The following MYO3A variants were observed in gnomAD, a reference collection of about 807,000 sequenced individuals.
MYO3A encodes the protein myosin IIIA.
In MYO3A, 180 loss-of-function variants were observed where a neutral mutation model predicts 192.7. The ratio of observed to expected loss-of-function variants is 0.93; its 90% CI spans 0.83 to 1.06. The LOEUF (loss-of-function observed/expected upper bound fraction) is 1.06. Among genes scored for constraint, MYO3A ranks in the 50% least tolerant of loss-of-function variants. MYO3A has a pLI of 0.00. For synonymous variants in MYO3A, 628 were observed against 645.3 expected (o/e 0.97, Z 0.41); for missense variants, 1,896 against 1,905.0 (o/e 1.00, Z 0.09).
At position 26,030,200 on chromosome 10, in the gene MYO3A, C is replaced by T. The variant is rs370263027; in HGVS notation, c.953+3668C>T. ...CTTTACTCTCCAGGCCTCTTTTTCC[C>T]GTTTTTGGTGCCAGACTTTGAATCA... On this transcript the variant is annotated intron_variant, in intron 10 of 34. Transcript: ENST00000642920. Among the ~76,000 whole-genome samples the T allele has an allele frequency of 9.9e-5, 15 of 152,238 alleles. 1 individual carries two copies. In the South Asian group the frequency reaches 2.9e-3, roughly 29 times the overall value.
intron 4 of MYO3A, among the ~76,000 whole-genome samples, chr10:25,986,964 C>T (rs1839690049): frequency 6.6e-6 from 1 of 152,120 alleles, no homozygotes; most frequent in Admixed American, 6.6e-5. Flanking sequence ...TCAAACCACA[C>T]TATAGGCCAT....
chr10:25,947,840 A>C (rs1054865894), intron 2 of MYO3A, among the ~76,000 whole-genome samples: 5 of 152,202 alleles, frequency 3.3e-5, no homozygotes, highest in Non-Finnish European at 7.3e-5. Context: ...CATGGTTTTA[A>C]AGTCTTTGAA....
chr10:26,169,183 C>T (rs1841918135), intron 28 of MYO3A, among the ~76,000 whole-genome samples: 1 of 152,100 alleles, frequency 6.6e-6, no homozygotes, highest in Admixed American at 6.6e-5. Context: ...TATTATAGCT[C>T]ATTGGACAAT....
chr10:26,010,710 C>T (rs1841593866), intron 6 of MYO3A, among the ~76,000 whole-genome samples: 1 of 152,182 alleles, frequency 6.6e-6, no homozygotes, highest in Non-Finnish European at 1.5e-5. Context: ...GATCCACCTG[C>T]CTCAGCCTCC....
rs536699958 is a variant in MYO3A at position 26,015,709 on chromosome 10, C to T, written c.509-1111C>T. Reference sequence around the variant, plus strand: ...CATGAAATTTAGTAAATTCCTTCCTCTGTCACTTGTTCATAGTTGGGCATG... The same window carrying T: ...CATGAAATTTAGTAAATTCCTTCCTTTGTCACTTGTTCATAGTTGGGCATG... On this transcript the variant is annotated intron_variant, in intron 6 of 34. Coordinates refer to ENST00000642920, the MANE Select transcript of MYO3A (RefSeq NM_017433.5). 1.4e-4 allele frequency among the ~76,000 whole-genome samples: 22 copies of T among 152,284 alleles called. 2 individuals are homozygous for T. In the South Asian group the frequency reaches 4.6e-3, roughly 32 times the overall value.
chr10:26,059,521 C>T (rs1287052475), intron 10 of MYO3A, among the ~76,000 whole-genome samples: 1 of 152,168 alleles, frequency 6.6e-6, no homozygotes, highest in Non-Finnish European at 1.5e-5. Context: ...CCCCTACATA[C>T]AAACACTCTT....
chr10:26,161,551 G>A (rs1564610400), intron 26 of MYO3A, among the ~76,000 whole-genome samples: 1 of 152,086 alleles, frequency 6.6e-6, no homozygotes, highest in Non-Finnish European at 1.5e-5. Flanking sequence ...CAGCAAACCC[G>A]GGTTTGAATC....
At position 26,125,520 on chromosome 10, in the gene MYO3A, G is replaced by T; in HGVS notation, c.2026G>T (p.Asp676Tyr). The change falls in exon 19 of 35, where the codon GAT becomes TAT. Residue 676 changes from aspartate (D) to tyrosine (Y), a missense_variant. By Grantham distance (160) the Asp-to-Tyr change is radical. Transcript: ENST00000642920. ...TGTAGAAAAAGCTACCGATGTCAGG[G>T]ATGCCATGGCTAAAACTTTATATGG... Reference protein sequence around the residue: ...NTVEKATDVRDAMAKTLYGRL... With the variant: ...NTVEKATDVRYAMAKTLYGRL... 6.2e-7 allele frequency: 1 copy of T among 1,614,024 alleles called. No homozygotes were observed. The highest frequency in any genetic ancestry group is 1.1e-5 in the South Asian group (1 of 91,078).
chr10:26,119,288 A>G (rs1429902083), intron 17 of MYO3A, among the ~76,000 whole-genome samples: 2 of 151,702 alleles, frequency 1.3e-5, no homozygotes, highest in African/African-American at 4.8e-5. Context: ...TGAACATATC[A>G]TGTTATTTAT....
rs200657438 is a variant in MYO3A, at chr10:26,068,928, A to G, written c.1170+44A>G. On this transcript the variant is annotated intron_variant, in intron 12 of 34. Transcript: ENST00000642920. ...ATTCTGTTACTTCATACACATAATT[A>G]TACATTCAGATACTTAAATTAATTT... The G allele has an allele frequency of 2.9e-4, 338 of 1,182,686 alleles. 1 individual carries two copies. Among genetic ancestry groups the G allele is most frequent in the African/African-American group, 1.5e-3 (98 of 66,490 alleles). 73.3% of individuals were successfully genotyped at this position (1,182,686 alleles called of 1,614,324 possible).
intron 23 of MYO3A, among the ~76,000 whole-genome samples, chr10:26,151,685 G>A (rs1229989695): frequency 1.3e-5 from 2 of 152,070 alleles, no homozygotes; most frequent in Admixed American, 6.6e-5. Flanking sequence ...TAATGATATG[G>A]TTGGATTTGA....
intron 32 of MYO3A, among the ~76,000 whole-genome samples, chr10:26,194,202 T>C (rs1305100949): frequency 3.3e-5 from 5 of 152,146 alleles, no homozygotes; most frequent in African/African-American, 1.2e-4. Flanking sequence ...AATCGCATCC[T>C]CTCCAGCCTG....
intron 17 of MYO3A, among the ~76,000 whole-genome samples, chr10:26,097,682 C>CA (rs1837138364): frequency 6.6e-6 from 1 of 152,112 alleles, no homozygotes; most frequent in African/African-American, 2.4e-5. Context: ...TGATGGTTTC[C>CA]AGCTTCATCC....
At chr10:26,099,504 T>C (rs896796388) in intron 17 of MYO3A, among the ~76,000 whole-genome samples, 1 of 152,188 alleles carries the variant, frequency 6.6e-6, no homozygotes, top group African/African-American at 2.4e-5. Context: ...TCAAAGGGAA[T>C]GCTTCCAGTT....
intron 18 of MYO3A, among the ~76,000 whole-genome samples, chr10:26,123,259 AAGCAT>A (rs1192359629): frequency 6.6e-6 from 1 of 152,202 alleles, no homozygotes; most frequent in Non-Finnish European, 1.5e-5. Context: ...TAAAAAAAGA[AAGCAT>A]AAATAAAATT....
intron 31 of MYO3A, among the ~76,000 whole-genome samples, chr10:26,190,045 AG>A (rs1404098262): frequency 2.0e-5 from 3 of 152,166 alleles, no homozygotes; most frequent in Non-Finnish European, 2.9e-5. Flanking sequence ...CCTGGGAGAC[AG>A]AGCAAGACTC....
chr10:26,019,857 G>A (rs577453683), intron 7 of MYO3A, among the ~76,000 whole-genome samples: 18 of 152,132 alleles, frequency 1.2e-4, no homozygotes, highest in Non-Finnish European at 2.5e-4. Context: ...ATGAATATTT[G>A]CCACATGAAT....
At chr10:26,041,403 G>C (rs1231808403) in intron 10 of MYO3A, among the ~76,000 whole-genome samples, 2 of 151,940 alleles carry the variant, frequency 1.3e-5, no homozygotes, top group Non-Finnish European at 2.9e-5. Flanking sequence ...TGATTGGAGA[G>C]TTTAGTCCAC....
At chr10:25,939,687 T>A (rs562252875) in intron 2 of MYO3A, among the ~76,000 whole-genome samples, 95 of 151,982 alleles carry the variant, frequency 6.3e-4, no homozygotes, top group Non-Finnish European at 6.6e-4. Context: ...AGAGAGTGTA[T>A]CTATTCTTTT....
Sources: allele counts gnomAD v4.1 joint callset (sites outside exome capture counted in the v4.1 genomes callset), GRCh38; gene constraint gnomAD v4.1.1; transcripts MANE v1.5; gene names NCBI Gene and HGNC (gene_info 2026-07-23, HGNC 2026-07-21).